Variants in ATG13 observed in about 807,000 individuals in gnomAD.
ATG13 encodes the protein autophagy related 13.
A neutral mutation model predicts 65.5 loss-of-function variants in ATG13; 23 were observed. That is an observed-to-expected ratio of 0.35 (90% CI 0.25 to 0.50). The LOEUF (loss-of-function observed/expected upper bound fraction) is 0.50. Ranked by LOEUF, ATG13 falls within the 20% of genes least tolerant of loss-of-function variation. The pLI is 0.98. For synonymous variants in ATG13, 252 were observed against 245.2 expected (o/e 1.03, Z -0.26); for missense variants, 566 against 677.0 (o/e 0.84, Z 1.82).
At chr11:46,619,838 G>T (rs1441593740) in intron 1 of ATG13, among the ~76,000 whole-genome samples, 2 of 151,572 alleles carry the variant, frequency 1.3e-5, no homozygotes, top group Non-Finnish European at 2.9e-5. Flanking sequence ...GACCAGCCTG[G>T]CCAACAAGGT....
At chr11:46,653,037 G>A (rs2059236382) in intron 7 of ATG13, among the ~76,000 whole-genome samples, 1 of 151,828 alleles carries the variant, frequency 6.6e-6, no homozygotes, top group Non-Finnish European at 1.5e-5. Context: ...TAGCCTATAC[G>A]GCCCACAATC....
intron 11 of ATG13, among the ~76,000 whole-genome samples, 178 bp from the exon 12 acceptor site, chr11:46,663,819 A>G (rs1261783775): frequency 2.0e-5 from 3 of 152,176 alleles, no homozygotes; most frequent in Non-Finnish European, 4.4e-5. Context: ...GAATCTTCCA[A>G]GTTGTCCCTT....
chr11:46,653,121 G>T (rs918768044), intron 7 of ATG13, among the ~76,000 whole-genome samples: 2 of 149,942 alleles, frequency 1.3e-5, no homozygotes, highest in African/African-American at 4.9e-5. Flanking sequence ...TTTGTCTGTC[G>T]TATCTGTAGT....
chr11:46,638,266 G>A lies in ATG13; in HGVS notation c.-13-6013G>A, dbSNP rs533897501. On this transcript the variant is annotated intron_variant, in intron 2 of 18. Transcript: ENST00000683050. ...AGCCTGGCCAACATGGCATAACCCT[G>A]TCTCTACTAAAAATACAAAAATCAG... 1.4e-3 allele frequency among the ~76,000 whole-genome samples: 209 copies of A among 152,090 alleles called. 1 individual carries two copies. The highest frequency in any genetic ancestry group is 2.5e-3 in the Non-Finnish European group (170 of 67,986).
chr11:46,649,122 T>C lies in ATG13; in HGVS notation c.271-15T>C. 2.5e-6 allele frequency: 4 copies of C among 1,605,890 alleles called. No homozygotes were observed. The highest frequency in any genetic ancestry group is 3.4e-6 in the Non-Finnish European group (4 of 1,176,586). ...AATTTTTTAAACAAATATTTTAAAT[T>C]TGTCCTTTCTACAGGGAGATTCCAT... On this transcript the variant is annotated splice_polypyrimidine_tract_variant and intron_variant, in intron 5 of 18. Transcript: ENST00000683050.
chr11:46,628,396 C>CA (rs1315512163), intron 1 of ATG13, among the ~76,000 whole-genome samples: 4 of 150,210 alleles, frequency 2.7e-5, no homozygotes, highest in African/African-American at 7.3e-5. Context: ...GACTCTGTCT[C>CA]AAAAAAAACC....
chr11:46,627,848 T>C (rs2050254768), intron 1 of ATG13, among the ~76,000 whole-genome samples: 1 of 151,940 alleles, frequency 6.6e-6, no homozygotes. Flanking sequence ...TCTGGGAGGC[T>C]GAGACGGGAG....
intron 7 of ATG13, among the ~76,000 whole-genome samples, chr11:46,652,186 T>G (rs1222536137): frequency 6.6e-6 from 1 of 151,988 alleles, no homozygotes; most frequent in Non-Finnish European, 1.5e-5. Context: ...AGGCGGAGGT[T>G]GCAGGGAACC....
intron 2 of ATG13, among the ~76,000 whole-genome samples, chr11:46,635,004 GTTTT>G (rs1489799382): frequency 1.1e-4 from 16 of 145,872 alleles, no homozygotes; most frequent in African/African-American, 4.1e-4. Context: ...CCTGGCCTAG[GTTTT>G]TTTTGTTTTT....
chr11:46,636,006 C>CA (rs2053825916), intron 2 of ATG13, among the ~76,000 whole-genome samples: 1 of 152,076 alleles, frequency 6.6e-6, no homozygotes, highest in Admixed American at 6.6e-5. Context: ...AGTACAATGG[C>CA]ACAGTTGTTA....
chr11:46,638,651 C>G (rs770282450), intron 2 of ATG13: 3 of 152,102 alleles, frequency 2.0e-5, no homozygotes, highest in Admixed American at 6.6e-5. Flanking sequence ...ATAACAACAT[C>G]TTAGATTCCA....
chr11:46,621,692 A>G (rs73451822), intron 1 of ATG13, among the ~76,000 whole-genome samples: 1,831 of 152,166 alleles, frequency 0.012, 44 homozygotes, highest in African/African-American at 0.042. Flanking sequence ...TGGCTTCTCC[A>G]GGCTTCTTTG....
At chr11:46,671,055 A>T (rs1189485056) in intron 18 of ATG13, among the ~76,000 whole-genome samples, 2 of 152,160 alleles carry the variant, frequency 1.3e-5, no homozygotes, top group Non-Finnish European at 2.9e-5. Context: ...TCCCTTGCCT[A>T]TCATGACATG....
At chr11:46,632,572 C>T (rs1370993053) in intron 2 of ATG13, 1 of 152,134 alleles carries the variant, frequency 6.6e-6, no homozygotes, top group Non-Finnish European at 1.5e-5. Flanking sequence ...GGAGTCTCCA[C>T]CCTTAATGTA....
intron 3 of ATG13, among the ~76,000 whole-genome samples, chr11:46,644,802 C>T (rs2057106377): frequency 6.6e-6 from 1 of 152,114 alleles, no homozygotes; most frequent in African/African-American, 2.4e-5. Context: ...ATTTTGAATG[C>T]CATATTTTCC....
rs546396467 is a variant in ATG13, at chr11:46,668,754, G to T, written c.1330-40G>T. On this transcript the variant is annotated intron_variant, in intron 16 of 18. Transcript: ENST00000683050. ...ATTGTTTACAGTAACTTGAATCTGG[G>T]TCACAGCATCAGCCCTAATCCTGCC... is the stretch of plus-strand genomic sequence containing the variant. The T allele has an allele frequency of 9.1e-6, 14 of 1,546,058 alleles. No homozygotes were observed. In the South Asian group the frequency reaches 1.3e-4, roughly 15 times the overall value.
intron 12 of ATG13, among the ~76,000 whole-genome samples, chr11:46,664,462 A>G (rs1274387624): frequency 3.3e-5 from 5 of 152,200 alleles, no homozygotes; most frequent in Non-Finnish European, 5.9e-5. Flanking sequence ...GGGCCTCAGG[A>G]CAAAGGAGAG....
intron 2 of ATG13, among the ~76,000 whole-genome samples, chr11:46,631,370 A>T (rs1196903653): frequency 6.6e-6 from 1 of 152,198 alleles, no homozygotes; most frequent in Non-Finnish European, 1.5e-5. Context: ...TTTATTTAAA[A>T]TTAGAATTTC....
chr11:46,664,404 A>G (rs2061832108), intron 12 of ATG13, among the ~76,000 whole-genome samples: 1 of 152,178 alleles, frequency 6.6e-6, no homozygotes, highest in Non-Finnish European at 1.5e-5. Context: ...TCCCATACCC[A>G]GGGGTGATGG....
Sources: gnomAD v4.1 joint callset for allele counts (sites outside exome capture counted in the v4.1 genomes callset) on GRCh38, gnomAD v4.1.1 for gene constraint, MANE v1.5 for transcripts, NCBI Gene and HGNC (gene_info 2026-07-23, HGNC 2026-07-21) for gene names.